TMEM132D: variants seen among roughly 807,000 people sequenced by gnomAD.
The protein encoded by TMEM132D is transmembrane protein 132D.
TMEM132D carries 21 observed loss-of-function variants against 62.3 expected under a neutral mutation model. The observed-to-expected ratio is 0.34, with a 90% CI of 0.24 to 0.49. The LOEUF (loss-of-function observed/expected upper bound fraction) is 0.49. Among genes scored for constraint, TMEM132D ranks in the 20% least tolerant of loss-of-function variants. The pLI is 0.99. For synonymous variants in TMEM132D, 621 were observed against 575.6 expected (o/e 1.08, Z -1.13); for missense variants, 1,346 against 1,402.8 (o/e 0.96, Z 0.65).
At chr12:129,180,009 C>T (rs541594450) in intron 5 of TMEM132D, among the ~76,000 whole-genome samples, 1 of 150,066 alleles carries the variant, frequency 6.7e-6, no homozygotes, top group East Asian at 2.0e-4. Flanking sequence ...GCCTGGGCCA[C>T]AGAGCAAGAC....
At chr12:129,206,258 A>G (rs529202524) in intron 5 of TMEM132D, among the ~76,000 whole-genome samples, 7 of 152,356 alleles carry the variant, frequency 4.6e-5, no homozygotes, top group Non-Finnish European at 7.3e-5. Context: ...CAATTTTACA[A>G]GCAAAAACCA....
chr12:129,285,099 G>GT (rs1338274307), intron 4 of TMEM132D, among the ~76,000 whole-genome samples: 3 of 152,304 alleles, frequency 2.0e-5, no homozygotes, highest in Non-Finnish European at 4.4e-5. Context: ...AGCAATGGAG[G>GT]TTTTTTCCTA....
At chr12:129,629,182 C>A (rs1181114493) in intron 2 of TMEM132D, among the ~76,000 whole-genome samples, 1 of 152,156 alleles carries the variant, frequency 6.6e-6, no homozygotes, top group Non-Finnish European at 1.5e-5. Flanking sequence ...TCCCTCCTAT[C>A]CCCTCACTGG....
chr12:129,872,912 GAAGA>G (rs911592343), intron 1 of TMEM132D, among the ~76,000 whole-genome samples: 48 of 152,324 alleles, frequency 3.2e-4, no homozygotes, highest in African/African-American at 1.1e-3. Context: ...CGAGGCAGAT[GAAGA>G]AAGAGAAGCC....
intron 2 of TMEM132D, among the ~76,000 whole-genome samples, chr12:129,664,819 C>T (rs1880335369): frequency 6.6e-6 from 1 of 152,070 alleles, no homozygotes; most frequent in African/African-American, 2.4e-5. Flanking sequence ...TGGAATAAAA[C>T]TGCAGACACA....
intron 3 of TMEM132D, among the ~76,000 whole-genome samples, chr12:129,373,721 T>A (rs577345761): frequency 1.3e-5 from 2 of 152,264 alleles, no homozygotes; most frequent in South Asian, 4.1e-4. Flanking sequence ...GGCATACACA[T>A]TTCCTTCTTA....
chr12:129,668,805 T>A (rs1301405854), intron 2 of TMEM132D, among the ~76,000 whole-genome samples: 2 of 152,164 alleles, frequency 1.3e-5, no homozygotes, highest in Admixed American at 6.5e-5. Context: ...GAGAAAGCGG[T>A]TATTTTACCA....
intron 3 of TMEM132D, among the ~76,000 whole-genome samples, chr12:129,458,764 C>T (rs1158436162): frequency 1.3e-5 from 2 of 152,112 alleles, no homozygotes; most frequent in Admixed American, 6.6e-5. Context: ...GCCGATGCGC[C>T]GAAGACAGGG....
At chr12:129,114,386 CTCCTTCCT>C (rs144038257) in intron 5 of TMEM132D, among the ~76,000 whole-genome samples, 2,234 of 145,826 alleles carry the variant, frequency 0.015, 49 homozygotes, top group African/African-American at 0.052. Context: ...CAGTTGGAAA[CTCCTTCCT>C]TCCTTCCCTC....
chr12:129,803,705 G>A (rs1163232636), intron 1 of TMEM132D, among the ~76,000 whole-genome samples: 1 of 151,816 alleles, frequency 6.6e-6, no homozygotes, highest in Non-Finnish European at 1.5e-5. Context: ...AGAACTGAAG[G>A]AAAGAGAGAC....
chr12:129,586,807 T>C (rs12310225), intron 2 of TMEM132D, among the ~76,000 whole-genome samples: 2,038 of 152,250 alleles, frequency 0.013, 56 homozygotes, highest in African/African-American at 0.047. Context: ...TCTTGACTAA[T>C]GCAGGTACAT....
chr12:129,599,756 A>G (rs1265307222), intron 2 of TMEM132D, among the ~76,000 whole-genome samples: 1 of 152,226 alleles, frequency 6.6e-6, no homozygotes, highest in Non-Finnish European at 1.5e-5. Flanking sequence ...AGTTACATTT[A>G]CACAATGCTG....
chr12:129,290,685 G>C (rs1021619086), intron 4 of TMEM132D, among the ~76,000 whole-genome samples: 5 of 152,162 alleles, frequency 3.3e-5, no homozygotes, highest in African/African-American at 1.2e-4. Context: ...TCAGGATGTG[G>C]GTGGTAGCCT....
intron 5 of TMEM132D, among the ~76,000 whole-genome samples, chr12:129,166,188 A>C (rs1339248748): frequency 6.6e-6 from 1 of 152,232 alleles, no homozygotes; most frequent in Non-Finnish European, 1.5e-5. Flanking sequence ...GGTAAAAATA[A>C]GTAACGTGGG....
At chr12:129,575,058 TAAG>T (rs1877621976) in intron 2 of TMEM132D, among the ~76,000 whole-genome samples, 1 of 151,704 alleles carries the variant, frequency 6.6e-6, no homozygotes, top group African/African-American at 2.4e-5. Flanking sequence ...ATATGGAGTC[TAAG>T]AAGACCCTCT....
intron 2 of TMEM132D, among the ~76,000 whole-genome samples, chr12:129,625,538 C>T (rs180926548): frequency 1.3e-5 from 2 of 152,310 alleles, no homozygotes; most frequent in African/African-American, 2.4e-5. Flanking sequence ...GCTCTGGTCT[C>T]CCCAATACGA....
At chr12:129,821,094 T>C (rs1408977528) in intron 1 of TMEM132D, among the ~76,000 whole-genome samples, 4 of 152,202 alleles carry the variant, frequency 2.6e-5, no homozygotes, top group Non-Finnish European at 4.4e-5. Context: ...TAAAGCAACA[T>C]TCTCTGATTC....
At chr12:129,158,515 T>A (rs1195281345) in intron 5 of TMEM132D, among the ~76,000 whole-genome samples, 1 of 152,226 alleles carries the variant, frequency 6.6e-6, no homozygotes, top group African/African-American at 2.4e-5. Context: ...TATTAGGTAA[T>A]CATCTGTTGG....
chr12:129,600,429 G>A (rs531048617), intron 2 of TMEM132D, among the ~76,000 whole-genome samples: 29 of 152,256 alleles, frequency 1.9e-4, no homozygotes, highest in South Asian at 6.2e-4. Context: ...CCACACTCCT[G>A]TTCATGTTGA....
Sources: gnomAD v4.1 joint callset for allele counts (sites outside exome capture counted in the v4.1 genomes callset) on GRCh38, gnomAD v4.1.1 for gene constraint, MANE v1.5 for transcripts, NCBI Gene and HGNC (gene_info 2026-07-23, HGNC 2026-07-21) for gene names.